LARGE1: variants seen among roughly 807,000 people sequenced by gnomAD.
LARGE1 encodes the protein xylosyl- and glucuronyltransferase LARGE1.
LARGE1 carries 43 observed loss-of-function variants against 87.6 expected under a neutral mutation model. That is an observed-to-expected ratio of 0.49 (90% CI 0.38 to 0.63). The LOEUF (loss-of-function observed/expected upper bound fraction) is 0.63. Among genes scored for constraint, LARGE1 ranks in the 30% least tolerant of loss-of-function variants. LARGE1 has a pLI of 0.00. For missense variants in LARGE1, 802 were observed against 1,000.2 expected, an observed-to-expected ratio of 0.80 and a Z score of 2.67; for synonymous variants, 434 against 394.6, an observed-to-expected ratio of 1.10 and a Z score of -1.18.
At chr22:33,539,110 T>C (rs1485503066) in intron 6 of LARGE1, among the ~76,000 whole-genome samples, 2 of 152,222 alleles carry the variant, frequency 1.3e-5, no homozygotes, top group African/African-American at 2.4e-5. Flanking sequence ...TATATGCCTG[T>C]ATAAACATAC....
At chr22:33,844,123 C>T (rs1263701073) in intron 1 of LARGE1, among the ~76,000 whole-genome samples, 1 of 151,244 alleles carries the variant, frequency 6.6e-6, no homozygotes, top group Non-Finnish European at 1.5e-5. Context: ...AATTTACAGA[C>T]AAGACTTGCA....
At chr22:33,618,174 TC>T (rs1238839511) in intron 4 of LARGE1, among the ~76,000 whole-genome samples, 4 of 152,230 alleles carry the variant, frequency 2.6e-5, no homozygotes, top group Non-Finnish European at 1.5e-5. Context: ...TGAGAGTTTT[TC>T]AGTGAGTCCT....
intron 2 of LARGE1, among the ~76,000 whole-genome samples, chr22:33,696,509 C>T (rs530027176): frequency 7.2e-5 from 11 of 152,090 alleles, no homozygotes; most frequent in East Asian, 3.9e-4. Flanking sequence ...TCAATCCGCC[C>T]GCCTTGGCCT....
the LARGE1 span, among the ~76,000 whole-genome samples, chr22:33,078,521 G>A: frequency 3.3e-5 from 5 of 152,186 alleles, no homozygotes; most frequent in Admixed American, 2.6e-4. Flanking sequence ...AGAAAAATAA[G>A]TTAACATGTC....
chr22:33,375,747 A>AT (rs2064971452), intron 9 of LARGE1, among the ~76,000 whole-genome samples: 1 of 151,710 alleles, frequency 6.6e-6, no homozygotes. Context: ...ATTTATGTTT[A>AT]TTTTTTATTT....
At chr22:33,849,592 C>CTTTTTTTTTTTTTTTTTTTTTTTTT (rs71187287) in intron 1 of LARGE1, among the ~76,000 whole-genome samples, 4 of 88,592 alleles carry the variant, frequency 4.5e-5, no homozygotes, top group Non-Finnish European at 6.1e-5. Flanking sequence ...CTTTTCTTCT[C>CTTTTTTTTTTTTTTTTTTTTTTTTT]TTTTTTTTTT....
intron 11 of LARGE1, among the ~76,000 whole-genome samples, chr22:33,260,863 T>G (rs1262713102): frequency 1.3e-5 from 2 of 152,212 alleles, no homozygotes; most frequent in African/African-American, 4.8e-5. Flanking sequence ...TTTGATGAAC[T>G]GCTTGGACCC....
At chr22:33,767,993 C>T (rs1436499456) in intron 1 of LARGE1, among the ~76,000 whole-genome samples, 1 of 152,238 alleles carries the variant, frequency 6.6e-6, no homozygotes, top group Non-Finnish European at 1.5e-5. Flanking sequence ...AAGAGCTGGA[C>T]ATCACCGAGG....
the LARGE1 span, among the ~76,000 whole-genome samples, chr22:33,084,347 T>G: frequency 2.6e-5 from 4 of 152,236 alleles, no homozygotes; most frequent in East Asian, 5.8e-4. Flanking sequence ...GTCTATACCC[T>G]CATTGCTGTC....
At chr22:33,844,076 T>C (rs1430666825) in intron 1 of LARGE1, among the ~76,000 whole-genome samples, 1 of 96,074 alleles carries the variant, frequency 1.0e-5, no homozygotes, top group Non-Finnish European at 2.3e-5. Flanking sequence ...TGAAACTCCG[T>C]CTCAAAAAAA....
intron 1 of LARGE1, among the ~76,000 whole-genome samples, chr22:33,829,643 A>G (rs1412699668): frequency 6.6e-6 from 1 of 152,174 alleles, no homozygotes; most frequent in East Asian, 1.9e-4. Context: ...GTGCTTGAAC[A>G]CTGGAAGGCA....
At chr22:33,886,916 C>T (rs1184015031) in intron 1 of LARGE1, among the ~76,000 whole-genome samples, 1 of 152,080 alleles carries the variant, frequency 6.6e-6, no homozygotes, top group East Asian at 1.9e-4. Context: ...TAAACCAGAA[C>T]ATCCCATAAA....
intron 6 of LARGE1, among the ~76,000 whole-genome samples, chr22:33,517,010 GC>G (rs886802079): frequency 4.6e-5 from 7 of 152,198 alleles, no homozygotes; most frequent in African/African-American, 1.4e-4. Flanking sequence ...CTCTTATATT[GC>G]TACCAACTCT....
intron 1 of LARGE1, among the ~76,000 whole-genome samples, chr22:33,782,885 A>T (rs967564726): frequency 1.7e-4 from 1 of 5,838 alleles, no homozygotes; most frequent in Non-Finnish European, 3.0e-4. Flanking sequence ...AATCAAGTTT[A>T]AAAAAAAAAA....
the LARGE1 span, among the ~76,000 whole-genome samples, chr22:33,156,834 G>A: frequency 6.6e-6 from 1 of 152,170 alleles, no homozygotes; most frequent in Non-Finnish European, 1.5e-5. Flanking sequence ...CAATTCCAAT[G>A]TGTTGTGGGA....
At chr22:33,905,046 T>G (rs2065401805) in intron 1 of LARGE1, among the ~76,000 whole-genome samples, 1 of 146,378 alleles carries the variant, frequency 6.8e-6, no homozygotes, top group Admixed American at 6.7e-5. Context: ...GTATTTAAGT[T>G]TTTTTTTTTT....
At chr22:33,399,652 C>T (rs2065872779) in intron 7 of LARGE1, among the ~76,000 whole-genome samples, 2 of 152,136 alleles carry the variant, frequency 1.3e-5, no homozygotes, top group Non-Finnish European at 2.9e-5. Flanking sequence ...GGGTTCACAC[C>T]ATTCTCCTGC....
At chr22:33,501,860 G>C (rs887349884) in intron 6 of LARGE1, among the ~76,000 whole-genome samples, 1 of 152,186 alleles carries the variant, frequency 6.6e-6, no homozygotes, top group Non-Finnish European at 1.5e-5. Flanking sequence ...ACAACCATGT[G>C]CTATGAAGGG....
chr22:33,636,296 T>C (rs1337050925), intron 3 of LARGE1, among the ~76,000 whole-genome samples: 1 of 152,186 alleles, frequency 6.6e-6, no homozygotes, highest in Non-Finnish European at 1.5e-5. Flanking sequence ...TCTGGAAGAC[T>C]GGCCTGGTCC....
Sources: allele counts gnomAD v4.1 joint callset (sites outside exome capture counted in the v4.1 genomes callset), GRCh38; gene constraint gnomAD v4.1.1; transcripts MANE v1.5; gene names NCBI Gene and HGNC (gene_info 2026-07-23, HGNC 2026-07-21).